Variants in TEAD4 observed in about 807,000 individuals in gnomAD.
TEAD4 encodes the protein transcriptional enhancer factor TEF-3.
A neutral mutation model predicts 52.4 loss-of-function variants in TEAD4; 36 were observed. That is an observed-to-expected ratio of 0.69 (90% confidence interval 0.53 to 0.91). TEAD4 has a LOEUF of 0.91. TEAD4 is among the 40% of genes least tolerant of loss of function. The pLI, the probability that TEAD4 is intolerant of heterozygous loss-of-function variation, is 0.00. For synonymous variants in TEAD4, 220 were observed against 231.0 expected, an observed-to-expected ratio of 0.95 and a Z score of 0.43; for missense variants, 508 against 583.9, an observed-to-expected ratio of 0.87 and a Z score of 1.34.
chr12:3,021,793 TC>T (rs2098268894), intron 9 of TEAD4, 50 bp from the exon 10 acceptor site: 2 of 1,585,752 alleles, frequency 1.3e-6, no homozygotes, highest in Middle Eastern at 1.7e-4. Flanking sequence ...GGGTTGTCTG[TC>T]TGACCGTCTG....
rs756099497 is a variant in TEAD4, at chr12:2,994,985, G to A, written c.219G>A (p.Lys73=). Reference sequence around the variant, plus strand: ...AAATCATCCTGTCGGACGAGGGCAAGATGTATGGTAAGGAGCCCGTCGGGT... The same window carrying A: ...AAATCATCCTGTCGGACGAGGGCAAAATGTATGGTAAGGAGCCCGTCGGGT... The change falls in exon 3 of 13, where the codon AAG becomes AAA. Residue 73 remains lysine (K), a synonymous_variant. Coordinates refer to ENST00000359864, the MANE Select transcript of TEAD4 (RefSeq NM_003213.4). The surrounding 1 kb of genome is among the most constrained non-coding windows in gnomAD (Gnocchi z 4.7). The A allele has an allele frequency of 1.9e-6, 3 of 1,613,872 alleles. No homozygotes were observed. The highest frequency in any genetic ancestry group is 2.5e-6 in the Non-Finnish European group (3 of 1,179,924).
intron 2 of TEAD4, among the ~76,000 whole-genome samples, chr12:2,980,876 AAGC>A: frequency 6.6e-6 from 1 of 152,298 alleles, no homozygotes; most frequent in South Asian, 2.1e-4. Flanking sequence ...CTCAAGAAAA[AAGC>A]AGCATCATGA....
At chr12:3,035,553 G>A (rs1433043589) in intron 10 of TEAD4, among the ~76,000 whole-genome samples, 1 of 152,164 alleles carries the variant, frequency 6.6e-6, no homozygotes, top group African/African-American at 2.4e-5. Context: ...CAGGTGCAGT[G>A]GTTCACACCT....
chr12:3,032,595 G>A lies in TEAD4; in HGVS notation c.898-5373G>A, dbSNP rs150576314. On this transcript the variant is annotated intron_variant, in intron 10 of 12. Coordinates refer to ENST00000359864, the MANE Select transcript of TEAD4 (RefSeq NM_003213.4). Reference sequence around the variant, plus strand: ...TGCTTCTTTGTGTGAATAGTCAGCAGTTTGATCTTGGGGACCTGCCAGGGG... The same window carrying A: ...TGCTTCTTTGTGTGAATAGTCAGCAATTTGATCTTGGGGACCTGCCAGGGG... Among the ~76,000 whole-genome samples, 1,095 of 152,326 alleles carry A rather than the reference G, an allele frequency of 7.2e-3. 23 individuals are homozygous for A. The highest frequency in any genetic ancestry group is 0.025 in the African/African-American group (1,024 of 41,570).
intron 2 of TEAD4, among the ~76,000 whole-genome samples, chr12:2,973,372 G>T (rs1203708205): frequency 6.6e-6 from 1 of 152,214 alleles, no homozygotes; most frequent in African/African-American, 2.4e-5. Flanking sequence ...GTTGTTCTGA[G>T]AGTTCTTTCA....
chr12:3,012,269 G>A, intron 5 of TEAD4, 37 bp downstream of exon 5: 1 of 1,606,276 alleles, frequency 6.2e-7, no homozygotes, highest in African/African-American at 1.3e-5. Context: ...GAGTGGCCAG[G>A]AGTGGTGGCC....
intron 10 of TEAD4, among the ~76,000 whole-genome samples, chr12:3,025,624 C>T (rs879677395): frequency 2.6e-5 from 4 of 152,002 alleles, no homozygotes; most frequent in Non-Finnish European, 4.4e-5. Context: ...GCAACCTCCA[C>T]CTCCCAGGTT....
chr12:2,962,333 A>ATATATATATATAAATATAT (rs1565518244), intron 2 of TEAD4, among the ~76,000 whole-genome samples: 21 of 38,046 alleles, frequency 5.5e-4, no homozygotes, highest in African/African-American at 9.2e-4. Flanking sequence ...TATAAATATA[A>ATATATATATATAAATATAT]ATATATATAT....
chr12:2,995,813 C>T (rs568354747), intron 3 of TEAD4, among the ~76,000 whole-genome samples: 1 of 152,078 alleles, frequency 6.6e-6, no homozygotes, highest in East Asian at 1.9e-4. Context: ...TTGAAACCAG[C>T]CTGGGCAACA....
intron 2 of TEAD4, among the ~76,000 whole-genome samples, chr12:2,976,126 C>T (rs2098229472): frequency 6.6e-6 from 1 of 151,930 alleles, no homozygotes; most frequent in African/African-American, 2.4e-5. Flanking sequence ...CTGCCTCAGC[C>T]TCCCGAGTAG....
intron 3 of TEAD4, among the ~76,000 whole-genome samples, chr12:2,998,870 C>T (rs1018348836): frequency 3.3e-5 from 5 of 152,182 alleles, no homozygotes; most frequent in African/African-American, 9.7e-5. Context: ...CTGGGCAGGG[C>T]CCTGGAGGCT....
At chr12:2,999,242 C>T (rs2098249699) in intron 3 of TEAD4, among the ~76,000 whole-genome samples, 1 of 152,142 alleles carries the variant, frequency 6.6e-6, no homozygotes, top group African/African-American at 2.4e-5. Context: ...ACCCCAGCCC[C>T]ATTCTGAGCC....
chr12:3,022,426 T>C (rs1433848949), intron 10 of TEAD4, among the ~76,000 whole-genome samples: 1 of 152,168 alleles, frequency 6.6e-6, no homozygotes, highest in Non-Finnish European at 1.5e-5. Context: ...AGCTGGTCCT[T>C]CGGTGCTCGC....
intron 5 of TEAD4, among the ~76,000 whole-genome samples, chr12:3,014,587 C>T (rs1375837175): frequency 6.6e-6 from 1 of 152,226 alleles, no homozygotes; most frequent in Admixed American, 6.5e-5. Flanking sequence ...CTAGGCCTGG[C>T]TCTGCCCCGT....
chr12:3,019,047 A>C, intron 7 of TEAD4, 68 bp from the exon 8 acceptor site: 1 of 1,580,924 alleles, frequency 6.3e-7, no homozygotes, highest in Non-Finnish European at 8.7e-7. Context: ...AGACCACTGG[A>C]CCCAGTGCAG....
Position 3,017,401 on chromosome 12 carries a change from C to G in TEAD4, c.358C>G (p.Gln120Glu), listed in dbSNP as rs773320291. Reference sequence around the variant, plus strand: ...TCCCTTGCAATGTCTCCCCCAGGACCAGGCAGCTAAGGACAAGGCCCTGCA... The same window carrying G: ...TCCCTTGCAATGTCTCCCCCAGGACGAGGCAGCTAAGGACAAGGCCCTGCA... The change falls in exon 6 of 13, where the codon CAG becomes GAG. Residue 120 changes from glutamine to glutamate, a missense_variant. Coordinates refer to ENST00000359864, the MANE Select transcript of TEAD4 (RefSeq NM_003213.4). 3.1e-6 allele frequency: 5 copies of G among 1,614,022 alleles called. No individual in the cohort carries two copies. The African/African-American group carries it at 6.7e-5, about 22-fold the overall frequency.
chr12:2,989,256 G>T (rs538777597), intron 2 of TEAD4, among the ~76,000 whole-genome samples: 2 of 152,110 alleles, frequency 1.3e-5, no homozygotes, highest in East Asian at 3.9e-4. Flanking sequence ...TTTTCTCAAT[G>T]AGGCTCTTTG....
chr12:2,963,668 T>TC (rs1217370134), intron 2 of TEAD4, among the ~76,000 whole-genome samples: 2 of 152,322 alleles, frequency 1.3e-5, no homozygotes, highest in South Asian at 2.1e-4. Context: ...TTTTGGTTTT[T>TC]CCCGCTACTA....
intron 2 of TEAD4, among the ~76,000 whole-genome samples, chr12:2,970,994 G>T (rs561364733): frequency 7.3e-4 from 111 of 152,348 alleles, no homozygotes; most frequent in African/African-American, 2.4e-3. Context: ...GCCCAGCACA[G>T]CCAGCTCTCC....
Sources: allele counts gnomAD v4.1 joint callset (sites outside exome capture counted in the v4.1 genomes callset), GRCh38; gene constraint gnomAD v4.1.1; non-coding constraint Gnocchi (gnomAD v3.1); transcripts MANE v1.5; gene names NCBI Gene and HGNC (gene_info 2026-07-23, HGNC 2026-07-21).